The following CENPT variants were observed in gnomAD, a reference collection of about 807,000 sequenced individuals.
CENPT encodes interphase centromere complex protein 22.
CENPT carries 42 observed loss-of-function variants against 59.7 expected under a neutral mutation model. The observed-to-expected ratio is 0.70, with a 90% CI of 0.55 to 0.91. The LOEUF (loss-of-function observed/expected upper bound fraction) is 0.91. Ranked by LOEUF, CENPT falls within the 40% of genes least tolerant of loss-of-function variation. The pLI is 0.00. For missense variants in CENPT, 716 were observed against 713.4 expected (o/e 1.00, Z -0.04); for synonymous variants, 295 against 289.6 (o/e 1.02, Z -0.19).
In CENPT at chr16:67,832,543, G is replaced by C; in HGVS notation, c.113C>G (p.Ala38Gly). Residue 38 changes from alanine to glycine, a missense_variant and splice_region_variant, in exon 5 of 16, where the codon GCC becomes GGC. Ala to Gly is a moderately conservative substitution (Grantham distance 60). Transcript: ENST00000562787. ...AGCCGTTTCAAGCAGGGCTCTCCGG[G>C]CTCTGTGTAAAGACCAGCAATTATG... ...PRRPRSARAG[A>G]RRALLETASP... The C allele has an allele frequency of 6.2e-7, 1 of 1,613,660 alleles. No homozygotes were observed. Among genetic ancestry groups the C allele is most frequent in the South Asian group, 1.1e-5 (1 of 91,074 alleles).
At position 67,842,929 on chromosome 16, in the gene CENPT, G is replaced by GCAGCAGCAA. The variant is rs1555494462; in HGVS notation, c.-492+4471_-492+4472insTTGCTGCTG. Reference sequence around the variant, plus strand: ...AGCAGCAGCAGCAGCAACAGCAGCAGCAGCAGCAGCAGCAGCAGCAGTCCT... The same window carrying GCAGCAGCAA: ...AGCAGCAGCAGCAGCAACAGCAGCAGCAGCAGCAACAGCAGCAGCAGCAGCAGCAGTCCT... On this transcript the variant is annotated intron_variant, in intron 1 of 15. Coordinates refer to ENST00000562787, the MANE Select transcript of CENPT (RefSeq NM_025082.4). The surrounding 1 kb of genome is among the most constrained non-coding windows in gnomAD (Gnocchi z 4.9). 6 of 1,590,590 alleles carry GCAGCAGCAA rather than the reference G, an allele frequency of 3.8e-6. No individual in the cohort carries two copies. The South Asian group carries it at 4.5e-5, about 12-fold the overall frequency.
At position 67,834,002 on chromosome 16, in the gene CENPT, A is replaced by C. The variant is rs1006297445; in HGVS notation, c.-143T>G. 19 of 558,796 alleles carry C rather than the reference A, an allele frequency of 3.4e-5. No individual in the cohort carries two copies. The highest frequency in any genetic ancestry group is 7.1e-4 in the Middle Eastern group (2 of 2,826). The allele number at this position is 558,796 out of a possible 1,614,324, so 34.6% of individuals were successfully genotyped here. ...CGCACTATCGCAGCTCGCGGGGTGG[A>C]CAGTGATGGTTGCAAACTCCGGATG... On this transcript the variant is annotated 5_prime_UTR_variant, in exon 4 of 16. Coordinates refer to ENST00000562787, the MANE Select transcript of CENPT (RefSeq NM_025082.4).
chr16:67,841,445 G>C (rs1272703359), intron 1 of CENPT: 3 of 152,224 alleles, frequency 2.0e-5, no homozygotes, highest in East Asian at 3.9e-4. Flanking sequence ...CTTACAGACT[G>C]GTTCCTGGGA....
chr16:67,843,674 C>T lies in CENPT; in HGVS notation c.-492+3727G>A. 2 of 647,838 alleles carry T rather than the reference C, an allele frequency of 3.1e-6. No homozygotes were observed. The highest frequency in any genetic ancestry group is 5.3e-6 in the Non-Finnish European group (2 of 377,556). 40.1% of individuals were successfully genotyped at this position (647,838 alleles called of 1,614,324 possible). On this transcript the variant is annotated intron_variant, in intron 1 of 15. Transcript: ENST00000562787. This position sits in a 1 kb window ranked among gnomAD's most constrained non-coding sequence, Gnocchi z 5.7. ...CAATTGTTTCCTCCTGAAGTGGAAG[C>T]TGGGGCCTTAGACTCTGCCCTGGTG...
chr16:67,844,780 C>G (rs987489545), intron 1 of CENPT, among the ~76,000 whole-genome samples: 6 of 144,240 alleles, frequency 4.2e-5, no homozygotes, highest in African/African-American at 1.7e-4. Flanking sequence ...CTGCCTGCCT[C>G]TATTTTTTTT....
At position 67,828,272 on chromosome 16, in the gene CENPT, G is replaced by A; in HGVS notation, c.1681C>T (p.Gln561Ter). The A allele has an allele frequency of 6.3e-7, 1 of 1,592,472 alleles. No homozygotes were observed. Among genetic ancestry groups the A allele is most frequent in the Non-Finnish European group, 8.6e-7 (1 of 1,165,668 alleles). The change falls in exon 16 of 16, where the codon CAG becomes TAG. Residue 561 changes from glutamine to a stop codon, truncating the protein, a stop_gained. Coordinates refer to ENST00000562787, the MANE Select transcript of CENPT (RefSeq NM_025082.4). LOFTEE classifies it high-confidence loss of function. Reference sequence around the variant, plus strand: ...AAAGTGTTGAAGCCTGGCCACTACTGGGCAGGGAAGACAGAGTTGCCACTG... The same window carrying A: ...AAAGTGTTGAAGCCTGGCCACTACTAGGCAGGGAAGACAGAGTTGCCACTG... The part of the protein sequence containing the change: ...AYSGNSVFPA[Q>*]
chr16:67,845,723 A>C (rs958781656), intron 1 of CENPT, among the ~76,000 whole-genome samples: 4 of 152,220 alleles, frequency 2.6e-5, no homozygotes, highest in Admixed American at 6.5e-5. Context: ...AGGGAGAAGA[A>C]GACAGTTCAC....
rs752222834 is a variant in CENPT at position 67,833,847 on chromosome 16, T to G, written c.13A>C (p.Asn5His). 3 of 1,559,384 alleles carry G rather than the reference T, an allele frequency of 1.9e-6. No individual in the cohort carries two copies. The highest frequency in any genetic ancestry group is 2.6e-6 in the Non-Finnish European group (3 of 1,155,476). The change falls in exon 4 of 16, where the codon AAC (asparagine) becomes CAC (histidine). Residue 5 changes from asparagine (N) to histidine (H), a missense_variant. Coordinates refer to ENST00000562787, the MANE Select transcript of CENPT (RefSeq NM_025082.4). ...CGCGGCGTGGAGTCGCTGTCAGGGT[T>G]GTGGTCAGCCATCGTCTCGGCCCCG... MADHNPDSDSTPRTL... is the reference protein window; with the variant it reads MADHHPDSDSTPRTL...
At position 67,832,229 on chromosome 16, in the gene CENPT, A is replaced by G. The variant is rs2057699454; in HGVS notation, c.288T>C (p.Thr96=). 2 of 1,613,954 alleles carry G rather than the reference A, an allele frequency of 1.2e-6. No homozygotes were observed. The change falls in exon 6 of 16, where the codon ACT becomes ACC. Residue 96 remains threonine (T), a splice_region_variant and synonymous_variant. Coordinates refer to ENST00000562787, the MANE Select transcript of CENPT (RefSeq NM_025082.4). ...ACCGGCAGGCCAGCGCTCACTTACCAGTTAGTAGGATGTTCTTCAGCAGCG... is the reference window on the plus strand; with the variant it reads ...ACCGGCAGGCCAGCGCTCACTTACCGGTTAGTAGGATGTTCTTCAGCAGCG... ...PRTLLKNILL[T]APESSILMPE...
chr16:67,841,006 A>AATACATAC (rs1393140917), intron 1 of CENPT, among the ~76,000 whole-genome samples: 1 of 66,458 alleles, frequency 1.5e-5, no homozygotes, highest in African/African-American at 8.6e-5. Flanking sequence ...CTAAATACAA[A>AATACATAC]ATACATATAT....
rs756547928 is a variant in CENPT at position 67,831,763 on chromosome 16, GAGACAGC to G, written c.507_513del (p.Leu170SerfsTer20). On this transcript the variant is annotated frameshift_variant, in exon 8 of 16. Coordinates refer to ENST00000562787, the MANE Select transcript of CENPT (RefSeq NM_025082.4). LOFTEE classifies it high-confidence loss of function. Reference sequence around the variant, plus strand: ...GTGTCCAGGGCCTCACCTTGGGAGAGAGACAGCCCCTGGTCCACTCCCTGCTGAAACA... The same window carrying G: ...GTGTCCAGGGCCTCACCTTGGGAGAGCCCTGGTCCACTCCCTGCTGAAACA... 5.1e-6 allele frequency: 8 copies of G among 1,579,680 alleles called. No homozygotes were observed. Among genetic ancestry groups the G allele is most frequent in the Non-Finnish European group, 8.6e-7 (1 of 1,163,776 alleles).
chr16:67,829,638 G>T (rs1440808752), intron 12 of CENPT, 122 bp from the exon 13 acceptor site: 3 of 1,295,974 alleles, frequency 2.3e-6, no homozygotes, highest in African/African-American at 3.0e-5. Flanking sequence ...CCAAGCAGGT[G>T]CCCCTCAGTG....
rs745357649 is a variant in CENPT at position 67,828,703 on chromosome 16, G to C, written c.1421C>G (p.Pro474Arg). Reference protein sequence around the residue: ...VKLFSFYAKMPMERKALEMVE... With the variant: ...VKLFSFYAKMRMERKALEMVE... ...CATCTCAAGAGCCTTCCTCTCCATG[G>C]GCATCTTGGCATAGAAGCTAAAGAG... The change falls in exon 14 of 16, where the codon CCC (proline) becomes CGC (arginine). Residue 474 changes from proline to arginine, a missense_variant. By Grantham distance (103) the Pro-to-Arg change is moderately radical. Transcript: ENST00000562787. 2.7e-5 allele frequency: 44 copies of C among 1,614,020 alleles called. No homozygotes were observed. The highest frequency in any genetic ancestry group is 3.3e-5 in the Non-Finnish European group (39 of 1,180,044).
intron 1 of CENPT, among the ~76,000 whole-genome samples, chr16:67,836,535 C>A (rs2057735774): frequency 6.7e-6 from 1 of 150,044 alleles, no homozygotes; most frequent in Non-Finnish European, 1.5e-5. Context: ...CTCCTGGGTT[C>A]AAGCAATTCT....
chr16:67,832,001 G>A lies in CENPT; in HGVS notation c.386+11C>T, dbSNP rs757708857. 2.5e-6 allele frequency: 4 copies of A among 1,593,852 alleles called. No individual in the cohort carries two copies. Among genetic ancestry groups the A allele is most frequent in the Admixed American group, 3.4e-5 (2 of 58,142 alleles). On this transcript the variant is annotated intron_variant, in intron 7 of 15. Transcript: ENST00000562787. ...CCATAGCACAATCCAAGGTGGGGGA[G>A]TTCTGTGTACCTGCCGCAACTGCTC...
In CENPT at chr16:67,847,692, C is replaced by T. The variant is rs1012978999; in HGVS notation, c.-783G>A. On this transcript the variant is annotated 5_prime_UTR_variant, in exon 1 of 16. Coordinates refer to ENST00000562787, the MANE Select transcript of CENPT (RefSeq NM_025082.4). ...TTATCCCTGTCTTGTCTTAGAGGAT[C>T]TGGGCCTGATGGGGTGAGGCGGCTC... 1 of 152,390 alleles carries T rather than the reference C, an allele frequency of 6.6e-6. No individual in the cohort carries two copies. The highest frequency in any genetic ancestry group is 1.5e-5 in the Non-Finnish European group (1 of 68,160). 9.4% of individuals were successfully genotyped at this position (152,390 alleles called of 1,614,324 possible). A position where few individuals can be genotyped will look rare whatever the true frequency, so the allele number is the denominator to read the frequency against.
chr16:67,828,538 C>T lies in CENPT; in HGVS notation c.1498G>A (p.Val500Ile), dbSNP rs1314420048. Residue 500 changes from valine to isoleucine, a missense_variant, in exon 15 of 16, where the codon GTA becomes ATA. By Grantham distance (29) the Val-to-Ile change is conservative. Coordinates refer to ENST00000562787, the MANE Select transcript of CENPT (RefSeq NM_025082.4). ...YFQHLCDDLE[V>I]FAAHAGRKTV... is the part of the protein sequence containing the mutation. ...TTGCGGCCAGCATGAGCAGCAAATACCTCCAGATCATCACAAAGATGCTGG... is the reference window on the plus strand; with the variant it reads ...TTGCGGCCAGCATGAGCAGCAAATATCTCCAGATCATCACAAAGATGCTGG... The T allele has an allele frequency of 6.2e-7, 1 of 1,614,204 alleles. No homozygotes were observed. The highest frequency in any genetic ancestry group is 8.5e-7 in the Non-Finnish European group (1 of 1,180,038).
At position 67,828,512 on chromosome 16, in the gene CENPT, C is replaced by T. The variant is rs2057632545; in HGVS notation, c.1524G>A (p.Lys508=). The T allele has an allele frequency of 6.2e-6, 10 of 1,614,138 alleles. No individual in the cohort carries two copies. Among genetic ancestry groups the T allele is most frequent in the African/African-American group, 1.3e-5 (1 of 74,948 alleles). Residue 508 remains lysine, a synonymous_variant, in exon 15 of 16, where the codon AAG becomes AAA. Coordinates refer to ENST00000562787, the MANE Select transcript of CENPT (RefSeq NM_025082.4). ...GCTCCAGGTCCTCTGGCTTCACAGT[C>T]TTGCGGCCAGCATGAGCAGCAAATA... The part of the protein sequence containing the change: ...LEVFAAHAGR[K]TVKPEDLELL...
At chr16:67,832,405 C>T in intron 5 of CENPT, 50 bp downstream of exon 5, 4 of 1,609,302 alleles carry the variant, frequency 2.5e-6, no homozygotes, top group South Asian at 2.2e-5. Flanking sequence ...CCTCAACCCC[C>T]CTCCCCGAGG....
Sources: allele counts gnomAD v4.1 joint callset (sites outside exome capture counted in the v4.1 genomes callset), GRCh38; gene constraint gnomAD v4.1.1; non-coding constraint Gnocchi (gnomAD v3.1); transcripts MANE v1.5; gene names NCBI Gene and HGNC (gene_info 2026-07-23, HGNC 2026-07-21).